GRXCR1: variants seen among roughly 807,000 people sequenced by gnomAD.
GRXCR1 encodes the protein glutaredoxin domain-containing cysteine-rich protein 1.
GRXCR1 carries 27 observed loss-of-function variants against 27.3 expected under a neutral mutation model. The ratio of observed to expected loss-of-function variants is 0.99; its 90% CI spans 0.73 to 1.37. GRXCR1 has a LOEUF of 1.37. Ranked by LOEUF, GRXCR1 falls within the 40% of genes most tolerant of loss-of-function variation. The pLI, the probability that GRXCR1 is intolerant of heterozygous loss-of-function variation, is 0.00. For missense variants in GRXCR1, 379 were observed against 354.4 expected (o/e 1.07, Z -0.56); for synonymous variants, 122 against 131.1 (o/e 0.93, Z 0.47).
rs76379585 is a variant in GRXCR1, at chr4:42,896,379, G to A, written c.384+2729G>A. 6.9e-4 allele frequency among the ~76,000 whole-genome samples: 105 copies of A among 152,184 alleles called. 1 individual carries two copies. In the East Asian group the frequency reaches 0.017, roughly 24 times the overall value. Reference sequence around the variant, plus strand: ...TTACCTTATATAATCCTGGGTATTTGATGATGTGCAAAATTAATCAAGGTT... The same window carrying A: ...TTACCTTATATAATCCTGGGTATTTAATGATGTGCAAAATTAATCAAGGTT... On this transcript the variant is annotated intron_variant, in intron 1 of 3. Coordinates refer to ENST00000399770, the MANE Select transcript of GRXCR1 (RefSeq NM_001080476.3).
chr4:42,932,619 T>TATATATATATAGAG (rs1249820617), intron 1 of GRXCR1, among the ~76,000 whole-genome samples: 1 of 22,916 alleles, frequency 4.4e-5, no homozygotes, highest in Non-Finnish European at 7.6e-5. Context: ...TATATATATA[T>TATATATATATAGAG]AGAGAGAGAG....
In GRXCR1 at chr4:42,912,816, C is replaced by T. The variant is rs572427851; in HGVS notation, c.384+19166C>T. Reference sequence around the variant, plus strand: ...TGGCTCTATGTCCCCACCTAAATTGCACCTCGAATTGTAATAATCTCCATG... The same window carrying T: ...TGGCTCTATGTCCCCACCTAAATTGTACCTCGAATTGTAATAATCTCCATG... On this transcript the variant is annotated intron_variant, in intron 1 of 3. Transcript: ENST00000399770. Among the ~76,000 whole-genome samples, 9 of 152,212 alleles carry T rather than the reference C, an allele frequency of 5.9e-5. 1 individual carries two copies. In the South Asian group the frequency reaches 1.7e-3, roughly 28 times the overall value.
chr4:42,939,299 C>A (rs1329572611), intron 1 of GRXCR1, among the ~76,000 whole-genome samples: 1 of 151,676 alleles, frequency 6.6e-6, no homozygotes, highest in Non-Finnish European at 1.5e-5. Context: ...ATTTCTTTTT[C>A]AGATTGTTCA....
intron 1 of GRXCR1, among the ~76,000 whole-genome samples, chr4:42,950,474 T>G (rs1328797808): frequency 6.6e-6 from 1 of 152,178 alleles, no homozygotes; most frequent in East Asian, 1.9e-4. Context: ...ATTAGCAAAA[T>G]GTAAAATGCC....
intron 2 of GRXCR1, among the ~76,000 whole-genome samples, chr4:42,963,374 A>G (rs1377363822): frequency 6.6e-6 from 1 of 152,022 alleles, no homozygotes; most frequent in Non-Finnish European, 1.5e-5. Flanking sequence ...ATAGAAATAA[A>G]TGTTTAAAAA....
Position 43,030,644 on chromosome 4 carries a change from CTTTGTTTATT to C in GRXCR1, c.*105_*114del. ...TTATGTTTATGGATTAATCAATAAA[CTTTGTTTATT>C]ATAATTGTCTTTGTGGTGAATTTTT... On this transcript the variant is annotated 3_prime_UTR_variant, in exon 4 of 4. Coordinates refer to ENST00000399770, the MANE Select transcript of GRXCR1 (RefSeq NM_001080476.3). The C allele has an allele frequency of 1.1e-6, 1 of 922,348 alleles. No individual in the cohort carries two copies. The highest frequency in any genetic ancestry group is 1.7e-5 in the African/African-American group (1 of 59,508). The allele number at this position is 922,348 out of a possible 1,614,324, so 57.1% of individuals were successfully genotyped here.
intron 1 of GRXCR1, among the ~76,000 whole-genome samples, chr4:42,909,787 T>A (rs1184253506): frequency 6.6e-6 from 1 of 152,218 alleles, no homozygotes; most frequent in Non-Finnish European, 1.5e-5. Flanking sequence ...CATGTTTCTC[T>A]GTAGCATTTA....
At chr4:42,897,534 CG>C (rs1746372457) in intron 1 of GRXCR1, among the ~76,000 whole-genome samples, 1 of 151,854 alleles carries the variant, frequency 6.6e-6, no homozygotes, top group South Asian at 2.1e-4. Flanking sequence ...TGGATATTTC[CG>C]GTTAGTGTGA....
At chr4:42,911,923 G>A (rs950992294) in intron 1 of GRXCR1, among the ~76,000 whole-genome samples, 1 of 152,160 alleles carries the variant, frequency 6.6e-6, no homozygotes, top group Non-Finnish European at 1.5e-5. Flanking sequence ...AGCCAGTGAG[G>A]GGATTAGTTT....
At chr4:42,935,439 T>C (rs572633928) in intron 1 of GRXCR1, among the ~76,000 whole-genome samples, 4 of 151,914 alleles carry the variant, frequency 2.6e-5, no homozygotes, top group Non-Finnish European at 5.9e-5. Flanking sequence ...AAGAAATGAT[T>C]AGGGTCTGGA....
chr4:42,893,525 G>C lies in GRXCR1; in HGVS notation c.259G>C (p.Ala87Pro). 5 of 1,613,896 alleles carry C rather than the reference G, an allele frequency of 3.1e-6. No homozygotes were observed. Among genetic ancestry groups the C allele is most frequent in the Non-Finnish European group, 4.2e-6 (5 of 1,179,864 alleles). ...QDSLLVLARAASEKGFGTRRV... is the reference protein window; with the variant it reads ...QDSLLVLARAPSEKGFGTRRV... Reference sequence around the variant, plus strand: ...TAGCTTGCTGGTGTTAGCAAGGGCTGCCAGTGAGAAGGGTTTTGGTACAAG... The same window carrying C: ...TAGCTTGCTGGTGTTAGCAAGGGCTCCCAGTGAGAAGGGTTTTGGTACAAG... The change falls in exon 1 of 4, where the codon GCC becomes CCC. Residue 87 changes from alanine to proline, a missense_variant. Transcript: ENST00000399770.
chr4:42,929,841 T>C (rs1747263596), intron 1 of GRXCR1, among the ~76,000 whole-genome samples: 2 of 151,924 alleles, frequency 1.3e-5, no homozygotes, highest in Non-Finnish European at 2.9e-5. Context: ...TTCCAAGCAT[T>C]TTTATACCCT....
chr4:42,915,068 A>T (rs976412556), intron 1 of GRXCR1, among the ~76,000 whole-genome samples: 1 of 152,154 alleles, frequency 6.6e-6, no homozygotes, highest in Admixed American at 6.5e-5. Flanking sequence ...GGATTTCTTC[A>T]TAGCAGCATG....
Position 42,953,814 on chromosome 4 carries a change from TA to T in GRXCR1, c.385-9073del, listed in dbSNP as rs1341561809. Among the ~76,000 whole-genome samples the T allele has an allele frequency of 2.6e-5, 4 of 152,168 alleles. No homozygotes were observed. The South Asian group carries it at 8.3e-4, about 32-fold the overall frequency. ...CAATAACATTTTATAATAATATTAATAAAAATATATCATTTACTGAGAGTTC... is the reference window on the plus strand; with the variant it reads ...CAATAACATTTTATAATAATATTAATAAAATATATCATTTACTGAGAGTTC... On this transcript the variant is annotated intron_variant, in intron 1 of 3. Transcript: ENST00000399770.
chr4:42,929,830 G>T (rs1312034043), intron 1 of GRXCR1, among the ~76,000 whole-genome samples: 2 of 151,846 alleles, frequency 1.3e-5, no homozygotes, highest in Admixed American at 6.6e-5. Context: ...CATAAAAATT[G>T]TTCCAAGCAT....
intron 2 of GRXCR1, among the ~76,000 whole-genome samples, chr4:42,987,525 C>T (rs1013957622): frequency 1.3e-5 from 2 of 151,824 alleles, no homozygotes; most frequent in Non-Finnish European, 1.5e-5. Context: ...TAAAGTGATT[C>T]TCCCACCTTA....
chr4:42,895,051 TC>T (rs1287409109), intron 1 of GRXCR1, among the ~76,000 whole-genome samples: 2 of 152,152 alleles, frequency 1.3e-5, no homozygotes, highest in Admixed American at 6.6e-5. Context: ...TATTCAAATC[TC>T]CCCCCAAATT....
chr4:42,946,305 T>A (rs1234926329), intron 1 of GRXCR1, among the ~76,000 whole-genome samples: 4 of 152,212 alleles, frequency 2.6e-5, no homozygotes, highest in African/African-American at 4.8e-5. Flanking sequence ...GATATTGTAC[T>A]AGTGAGATTT....
At chr4:42,941,124 G>A (rs1747609433) in intron 1 of GRXCR1, among the ~76,000 whole-genome samples, 2 of 151,942 alleles carry the variant, frequency 1.3e-5, no homozygotes, top group African/African-American at 4.8e-5. Flanking sequence ...CTTCCTCTGG[G>A]AAAGAGGAAT....
Sources: gnomAD v4.1 joint callset for allele counts (sites outside exome capture counted in the v4.1 genomes callset) on GRCh38, gnomAD v4.1.1 for gene constraint, MANE v1.5 for transcripts, NCBI Gene and HGNC (gene_info 2026-07-23, HGNC 2026-07-21) for gene names.